UNC13C: variants seen among roughly 807,000 people sequenced by gnomAD.
The protein encoded by UNC13C is unc-13 homolog C.
A neutral mutation model predicts 245.4 loss-of-function variants in UNC13C; 174 were observed. The ratio of observed to expected loss-of-function variants is 0.71; its 90% CI spans 0.63 to 0.80. The LOEUF is 0.80. Among genes scored for constraint, UNC13C ranks in the 30% least tolerant of loss-of-function variants. The pLI is 0.00. For missense variants in UNC13C, 2,829 were observed against 2,602.9 expected (o/e 1.09, Z -1.89); for synonymous variants, 992 against 895.1 (o/e 1.11, Z -1.93).
chr15:54,013,273 G>C lies in UNC13C; in HGVS notation c.370G>C (p.Glu124Gln), dbSNP rs766948122. The C allele has an allele frequency of 1.9e-6, 3 of 1,613,634 alleles. No individual in the cohort carries two copies. The highest frequency in any genetic ancestry group is 1.7e-6 in the Non-Finnish European group (2 of 1,179,792). Residue 124 changes from glutamate to glutamine, a missense_variant, in exon 2 of 33, where the codon GAG becomes CAG. Physicochemically the swap from Glu to Gln is conservative, Grantham distance 29. Coordinates refer to ENST00000260323, the MANE Select transcript of UNC13C (RefSeq NM_001080534.3). ...EDLLQELSSIESSYSESLNEL... is the reference protein window; with the variant it reads ...EDLLQELSSIQSSYSESLNEL... Reference sequence around the variant, plus strand: ...TCTGCTTCAAGAGCTCTCTTCAATCGAGAGTTCCTACTCAGAATCATTAAA... The same window carrying C: ...TCTGCTTCAAGAGCTCTCTTCAATCCAGAGTTCCTACTCAGAATCATTAAA...
intron 18 of UNC13C, among the ~76,000 whole-genome samples, chr15:54,405,390 C>G (rs1032974687): frequency 7.2e-5 from 11 of 152,150 alleles, no homozygotes; most frequent in African/African-American, 2.7e-4. Context: ...AAATAAGCCT[C>G]TAGCAAATAT....
chr15:53,939,115 A>T, the UNC13C span, among the ~76,000 whole-genome samples: 4,394 of 152,116 alleles, frequency 0.029, 231 homozygotes, highest in African/African-American at 0.1. Flanking sequence ...ATAAGGAAAA[A>T]AGAGAAGAAT....
intron 4 of UNC13C, among the ~76,000 whole-genome samples, chr15:54,158,308 G>A (rs2032835181): frequency 6.6e-6 from 1 of 152,040 alleles, no homozygotes; most frequent in Non-Finnish European, 1.5e-5. Context: ...TCCATGCATG[G>A]TGCAGTGTCA....
chr15:54,528,217 T>C lies in UNC13C; in HGVS notation c.5546+2580T>C, dbSNP rs369589080. On this transcript the variant is annotated intron_variant, in intron 25 of 32. Coordinates refer to ENST00000260323, the MANE Select transcript of UNC13C (RefSeq NM_001080534.3). Reference sequence around the variant, plus strand: ...ACCTGGGAACTGAGACTAAGTGATATAACCTCAACAATAACTTGAAGATGG... The same window carrying C: ...ACCTGGGAACTGAGACTAAGTGATACAACCTCAACAATAACTTGAAGATGG... 4.6e-5 allele frequency among the ~76,000 whole-genome samples: 7 copies of C among 152,244 alleles called. No individual in the cohort carries two copies. In the South Asian group the frequency reaches 6.2e-4, roughly 14 times the overall value.
At chr15:54,491,383 G>A (rs2141082558) in intron 19 of UNC13C, among the ~76,000 whole-genome samples, 1 of 152,094 alleles carries the variant, frequency 6.6e-6, no homozygotes, top group South Asian at 2.1e-4. Flanking sequence ...ATATCAACAT[G>A]ATAAAAGTTG....
chr15:54,303,275 T>C (rs978967391), intron 13 of UNC13C, among the ~76,000 whole-genome samples: 5 of 152,136 alleles, frequency 3.3e-5, no homozygotes, highest in Admixed American at 2.0e-4. Context: ...ACACCTAGTA[T>C]AAAGTTATAG....
the UNC13C span, among the ~76,000 whole-genome samples, chr15:53,962,186 T>C: frequency 6.6e-6 from 1 of 152,180 alleles, no homozygotes; most frequent in African/African-American, 2.4e-5. Context: ...GTTTAAACTC[T>C]ACTGCCTATT....
At chr15:54,247,188 C>A (rs1396440431) in intron 7 of UNC13C, among the ~76,000 whole-genome samples, 1 of 152,152 alleles carries the variant, frequency 6.6e-6, no homozygotes, top group Non-Finnish European at 1.5e-5. Context: ...CAATCTGATT[C>A]CTAATGGTAA....
At chr15:53,898,940 T>C in the UNC13C span, among the ~76,000 whole-genome samples, 1 of 152,086 alleles carries the variant, frequency 6.6e-6, no homozygotes, top group Admixed American at 6.6e-5. Context: ...CCAACACTTC[T>C]CCATACACTG....
intron 30 of UNC13C, among the ~76,000 whole-genome samples, chr15:54,616,401 G>T (rs1009864684): frequency 7.2e-5 from 11 of 151,918 alleles, no homozygotes; most frequent in Admixed American, 1.3e-4. Flanking sequence ...CATGTTTGTG[G>T]TAATGATGGT....
chr15:54,355,419 C>T (rs1366596103), intron 17 of UNC13C, among the ~76,000 whole-genome samples: 3 of 151,980 alleles, frequency 2.0e-5, no homozygotes, highest in Non-Finnish European at 4.4e-5. Flanking sequence ...TGCCATGGCG[C>T]GATCTCGGCT....
At chr15:54,247,960 T>C (rs74013545) in intron 7 of UNC13C, among the ~76,000 whole-genome samples, 3,852 of 152,230 alleles carry the variant, frequency 0.025, 160 homozygotes, top group African/African-American at 0.088. Flanking sequence ...CTATAATCTA[T>C]GGACTTAGAG....
intron 4 of UNC13C, among the ~76,000 whole-genome samples, chr15:54,154,299 G>A (rs995359025): frequency 2.6e-5 from 4 of 151,884 alleles, no homozygotes; most frequent in Admixed American, 6.6e-5. Context: ...GGACATTTTA[G>A]CAATATTACA....
At chr15:54,532,864 G>A in intron 25 of UNC13C, 53 bp from the exon 26 acceptor site, 1 of 1,243,756 alleles carries the variant, frequency 8.0e-7, no homozygotes, top group South Asian at 1.4e-5. Flanking sequence ...AATTGGAACA[G>A]GCTCAGGCAA....
intron 2 of UNC13C, among the ~76,000 whole-genome samples, chr15:54,047,873 T>G (rs2163195): frequency 0.63 from 96,324 of 151,986 alleles, 30,803 homozygotes; most frequent in East Asian, 0.69. Flanking sequence ...ATTCATATTT[T>G]TTCAGGCTGA....
chr15:53,860,794 C>A, the UNC13C span, among the ~76,000 whole-genome samples: 2 of 152,112 alleles, frequency 1.3e-5, no homozygotes, highest in African/African-American at 4.8e-5. Context: ...CTGAAAAAGT[C>A]TTATAAAATT....
At chr15:54,430,339 A>C (rs1269063314) in intron 19 of UNC13C, among the ~76,000 whole-genome samples, 1 of 151,712 alleles carries the variant, frequency 6.6e-6, no homozygotes, top group Non-Finnish European at 1.5e-5. Context: ...AACTGATATC[A>C]GCTATTAAAA....
intron 26 of UNC13C, among the ~76,000 whole-genome samples, chr15:54,537,460 T>C (rs2141159765): frequency 6.6e-6 from 1 of 152,196 alleles, no homozygotes; most frequent in African/African-American, 2.4e-5. Context: ...AGCAATATTT[T>C]TCACAGAATT....
chr15:54,114,460 G>A (rs990386784), intron 2 of UNC13C, among the ~76,000 whole-genome samples: 3 of 151,966 alleles, frequency 2.0e-5, no homozygotes, highest in African/African-American at 4.8e-5. Flanking sequence ...ATGCTATACC[G>A]GTTGATCTAC....
Sources: gnomAD v4.1 joint callset for allele counts (sites outside exome capture counted in the v4.1 genomes callset) on GRCh38, gnomAD v4.1.1 for gene constraint, MANE v1.5 for transcripts, NCBI Gene and HGNC (gene_info 2026-07-23, HGNC 2026-07-21) for gene names.